The following LOXHD1 variants were observed in gnomAD, a reference collection of about 807,000 sequenced individuals.
LOXHD1 encodes the protein lipoxygenase homology domain-containing protein 1.
In LOXHD1, 205 loss-of-function variants were observed where a neutral mutation model predicts 248.2. That is an observed-to-expected ratio of 0.83 (90% CI 0.74 to 0.93). The LOEUF (loss-of-function observed/expected upper bound fraction) is 0.93, where lower values mean the gene tolerates loss of function less well. Ranked by LOEUF, LOXHD1 falls within the 40% of genes least tolerant of loss-of-function variation. The probability of loss-of-function intolerance (pLI) is 0.00; values close to 1 mark genes in which losing one functional copy is unlikely to be tolerated. For synonymous variants in LOXHD1, 1,113 were observed against 1,162.8 expected (o/e 0.96, Z 0.87); for missense variants, 2,930 against 2,971.6 (o/e 0.99, Z 0.33).
At chr18:46,579,930 A>C in intron 12 of LOXHD1, 146 bp from the exon 13 acceptor site, 3 of 972,296 alleles carry the variant, frequency 3.1e-6, no homozygotes, top group Non-Finnish European at 4.5e-6. Context: ...AACTATCTAA[A>C]TCCTACCACA....
intron 37 of LOXHD1, among the ~76,000 whole-genome samples, chr18:46,503,831 C>T (rs1463985524): frequency 6.6e-6 from 1 of 152,098 alleles, no homozygotes; most frequent in Non-Finnish European, 1.5e-5. Flanking sequence ...AAAGAGGCTG[C>T]CTCTCATCAC....
chr18:46,524,744 C>A lies in LOXHD1; in HGVS notation c.4704G>T (p.Lys1568Asn). 6.4e-7 allele frequency: 1 copy of A among 1,551,770 alleles called. No homozygotes were observed. The change falls in exon 30 of 41, where the codon AAG (lysine) becomes AAT (asparagine). Residue 1568 changes from lysine to asparagine, a missense_variant. Lys to Asn is a moderately conservative substitution (Grantham distance 94, BLOSUM62 0). Coordinates refer to ENST00000642948, the MANE Select transcript of LOXHD1 (RefSeq NM_001384474.1). ...AGAGCCTCTCGAGTCGCCCATCCTCCTTCTTCAGGGAGAGCCAGCGCCCGC... is the reference window on the plus strand; with the variant it reads ...AGAGCCTCTCGAGTCGCCCATCCTCATTCTTCAGGGAGAGCCAGCGCCCGC... ...FLCGRWLSLK[K>N]EDGRLERLFY...
Position 46,649,136 on chromosome 18 carries a change from A to T in LOXHD1, c.245+19T>A, listed in dbSNP as rs750740075. On this transcript the variant is annotated intron_variant, in intron 2 of 40. Coordinates refer to ENST00000642948, the MANE Select transcript of LOXHD1 (RefSeq NM_001384474.1). ...GGACTAATGGCCCAGGATCCCACCA[A>T]GGCCAAGTGGGTACTCACTTGCTGG... The T allele has an allele frequency of 1.3e-6, 2 of 1,536,544 alleles. No homozygotes were observed. Among genetic ancestry groups the T allele is most frequent in the South Asian group, 2.4e-5 (2 of 83,756 alleles).
chr18:46,513,477 C>A (rs2035082599), intron 34 of LOXHD1, among the ~76,000 whole-genome samples: 1 of 152,132 alleles, frequency 6.6e-6, no homozygotes, highest in Non-Finnish European at 1.5e-5. Context: ...TTAATGTAAT[C>A]CCAAGAGTCC....
At position 46,518,272 on chromosome 18, in the gene LOXHD1, T is replaced by G. The variant is rs2035374508; in HGVS notation, c.5272-16A>C. The stretch of plus-strand genomic sequence containing the variant: ...CATAGAGAACCTGCCATGAGAGGAA[T>G]GCAGGTGCTGAGTCTCAGCCTCACC... On this transcript the variant is annotated splice_polypyrimidine_tract_variant and intron_variant, in intron 33 of 40. Coordinates refer to ENST00000642948, the MANE Select transcript of LOXHD1 (RefSeq NM_001384474.1). The G allele has an allele frequency of 6.5e-7, 1 of 1,549,692 alleles. No individual in the cohort carries two copies. Among genetic ancestry groups the G allele is most frequent in the Non-Finnish European group, 8.7e-7 (1 of 1,145,408 alleles).
chr18:46,627,991 T>C (rs1269744000), intron 4 of LOXHD1, among the ~76,000 whole-genome samples: 4 of 152,190 alleles, frequency 2.6e-5, no homozygotes, highest in Admixed American at 2.6e-4. Context: ...CAGGCTCTGG[T>C]GCATAGAAGG....
At chr18:46,566,139 G>T (rs1299842578) in intron 17 of LOXHD1, 118 bp downstream of exon 17, 2 of 1,145,498 alleles carry the variant, frequency 1.7e-6, no homozygotes, top group Non-Finnish European at 2.4e-6. Context: ...CTCCCTGCAG[G>T]ACCCTACCAG....
chr18:46,534,187 C>T lies in LOXHD1; in HGVS notation c.4212+148G>A, dbSNP rs541135607. The T allele has an allele frequency of 1.2e-4, 70 of 588,912 alleles. No homozygotes were observed. In the African/African-American group the frequency reaches 1.2e-3, roughly 10 times the overall value. 36.5% of individuals were successfully genotyped at this position (588,912 alleles called of 1,614,324 possible). On this transcript the variant is annotated intron_variant, in intron 27 of 40. Coordinates refer to ENST00000642948, the MANE Select transcript of LOXHD1 (RefSeq NM_001384474.1). Reference sequence around the variant, plus strand: ...TGCTTGGGACCAGAGCTTGTTTCTGCACTCTGAGTGAACTGGGTGAATTTT... The same window carrying T: ...TGCTTGGGACCAGAGCTTGTTTCTGTACTCTGAGTGAACTGGGTGAATTTT...
In LOXHD1 at chr18:46,504,807, C is replaced by G. The variant is rs528996375; in HGVS notation, c.5878+1031G>C. On this transcript the variant is annotated intron_variant, in intron 37 of 40. Coordinates refer to ENST00000642948, the MANE Select transcript of LOXHD1 (RefSeq NM_001384474.1). ...CTGGGCAGCCATTTGGGAGACCCAG[C>G]AAAGGCTAGAGAAGGCTTTGAGCAG... Among the ~76,000 whole-genome samples the G allele has an allele frequency of 3.3e-5, 5 of 152,304 alleles. No individual in the cohort carries two copies. In the South Asian group the frequency reaches 1.0e-3, roughly 32 times the overall value.
intron 16 of LOXHD1, among the ~76,000 whole-genome samples, chr18:46,566,974 G>C (rs2037656193): frequency 1.3e-5 from 2 of 152,204 alleles, no homozygotes; most frequent in South Asian, 4.1e-4. Flanking sequence ...CTGCGGTTCT[G>C]TGTCCAATTC....
chr18:46,618,138 T>A, intron 5 of LOXHD1, 54 bp downstream of exon 5: 3 of 1,338,800 alleles, frequency 2.2e-6, no homozygotes, highest in Non-Finnish European at 3.1e-6. Context: ...GGGAACCCCA[T>A]CTACAAAATA....
At chr18:46,639,517 G>A (rs889643666) in intron 4 of LOXHD1, 99 bp downstream of exon 4, 45 of 1,361,832 alleles carry the variant, frequency 3.3e-5, no homozygotes, top group Non-Finnish European at 4.2e-5. Context: ...CCAAGATGAG[G>A]TAGGTGAGAC....
chr18:46,502,357 C>T (rs1450430), intron 37 of LOXHD1, among the ~76,000 whole-genome samples: 52,887 of 151,840 alleles, frequency 0.35, 10,575 homozygotes, highest in East Asian at 0.6. Flanking sequence ...GGGAAGCCAT[C>T]CAGGGAAGAA....
chr18:46,629,876 T>C (rs1362250196), intron 4 of LOXHD1, among the ~76,000 whole-genome samples: 1 of 151,678 alleles, frequency 6.6e-6, no homozygotes, highest in Admixed American at 6.6e-5. Context: ...GTAAACGTCA[T>C]CCACCCCTCC....
chr18:46,646,552 CG>C (rs1568232960), intron 2 of LOXHD1, among the ~76,000 whole-genome samples: 1 of 152,174 alleles, frequency 6.6e-6, no homozygotes, highest in African/African-American at 2.4e-5. Context: ...GAAACTCCAC[CG>C]GTCAGCTTTC....
intron 14 of LOXHD1, among the ~76,000 whole-genome samples, chr18:46,576,297 T>C (rs967896642): frequency 1.3e-5 from 2 of 152,092 alleles, no homozygotes; most frequent in African/African-American, 4.8e-5. Flanking sequence ...ACGCCAGTAA[T>C]GACTTGAAGC....
rs1284736722 is a variant in LOXHD1, at chr18:46,560,533, C to T, written c.2611G>A (p.Asp871Asn). Residue 871 changes from aspartate to asparagine, a missense_variant, in exon 19 of 41, where the codon GAC becomes AAC. Physicochemically the swap from Asp to Asn is conservative, Grantham distance 23. Transcript: ENST00000642948. ...CGGAGCTTATAGACCTCGCCCACGT[C>T]GGCCGCCTCAAGCTGTTCAAAGGGC... ...SKDTFQLEAA[D>N]VGEVYKLRLG... The T allele has an allele frequency of 3.3e-6, 5 of 1,530,698 alleles. No homozygotes were observed. The highest frequency in any genetic ancestry group is 4.9e-5 in the East Asian group (2 of 40,798). The allele number at this position is 1,530,698 out of a possible 1,614,324, so 94.8% of individuals were successfully genotyped here.
At chr18:46,557,970 T>C in intron 20 of LOXHD1, 3 of 1,032,936 alleles carry the variant, frequency 2.9e-6, no homozygotes, top group Non-Finnish European at 3.5e-6. Context: ...TGCCCACCAT[T>C]TAGGTGTGAA....
intron 21 of LOXHD1, among the ~76,000 whole-genome samples, chr18:46,554,182 G>C (rs1234435456): frequency 1.3e-5 from 2 of 152,306 alleles, no homozygotes; most frequent in East Asian, 3.9e-4. Context: ...GGATGGTGAA[G>C]ATAGAAGGGA....
Sources: gnomAD v4.1 joint callset for allele counts (sites outside exome capture counted in the v4.1 genomes callset) on GRCh38, gnomAD v4.1.1 for gene constraint, MANE v1.5 for transcripts, NCBI Gene and HGNC (gene_info 2026-07-23, HGNC 2026-07-21) for gene names.